THEMIS: variants seen among roughly 807,000 people sequenced by gnomAD.
THEMIS encodes the protein thymocyte selection associated, also known as protein THEMIS.
In THEMIS, 37 loss-of-function variants were observed where a neutral mutation model predicts 52.6. The ratio of observed to expected loss-of-function variants is 0.70; its 90% CI spans 0.54 to 0.93. The LOEUF (loss-of-function observed/expected upper bound fraction) is 0.93, where lower values mean the gene tolerates loss of function less well. Ranked by LOEUF, THEMIS falls within the 40% of genes least tolerant of loss-of-function variation. The pLI is 0.00. For synonymous variants in THEMIS, 292 were observed against 272.7 expected, an observed-to-expected ratio of 1.07 and a Z score of -0.70; for missense variants, 808 against 763.1, an observed-to-expected ratio of 1.06 and a Z score of -0.69.
intron 3 of THEMIS, among the ~76,000 whole-genome samples, chr6:127,817,875 G>A (rs1269502762): frequency 1.3e-5 from 2 of 152,198 alleles, no homozygotes; most frequent in African/African-American, 4.8e-5. Context: ...CTTACTTTCA[G>A]GGGCCCATCC....
In THEMIS at chr6:127,829,854, T is replaced by C. The variant is rs775711554; in HGVS notation, c.331A>G (p.Arg111Gly). 6.5e-5 allele frequency: 105 copies of C among 1,614,008 alleles called. No individual in the cohort carries two copies. Among genetic ancestry groups the C allele is most frequent in the Non-Finnish European group, 8.2e-5 (97 of 1,180,024 alleles). ...TGATAGAAGCAAGGATGCCCTAGTC[T>C]ACTTGGTCCAATATGAATGGTCCTT... ...ITRTIHIGPS[R>G]LGHPCFYHQK... The change falls in exon 3 of 6, where the codon AGA (arginine) becomes GGA (glycine). Residue 111 changes from arginine (R) to glycine (G), a missense_variant. By Grantham distance (125) the Arg-to-Gly change is moderately radical. Coordinates refer to ENST00000368248, the MANE Select transcript of THEMIS (RefSeq NM_001010923.3).
At chr6:127,750,116 G>A (rs752424793) in intron 4 of THEMIS, among the ~76,000 whole-genome samples, 19 of 150,584 alleles carry the variant, frequency 1.3e-4, no homozygotes, top group Non-Finnish European at 1.6e-4. Flanking sequence ...ACACCTCTGT[G>A]CAGGTCTCAA....
chr6:127,732,421 T>A (rs1331707643), intron 4 of THEMIS, among the ~76,000 whole-genome samples: 2 of 152,194 alleles, frequency 1.3e-5, no homozygotes, highest in Admixed American at 1.3e-4. Flanking sequence ...AATACTTTCA[T>A]GAAATGCACA....
At chr6:127,837,970 C>A (rs911818827) in intron 2 of THEMIS, among the ~76,000 whole-genome samples, 11 of 151,994 alleles carry the variant, frequency 7.2e-5, no homozygotes, top group African/African-American at 2.7e-4. Flanking sequence ...CTATTATTTT[C>A]CTATTACAAA....
At chr6:127,737,605 A>T (rs953658692) in intron 4 of THEMIS, among the ~76,000 whole-genome samples, 6 of 152,188 alleles carry the variant, frequency 3.9e-5, no homozygotes, top group Admixed American at 3.9e-4. Flanking sequence ...TTTTTAATAC[A>T]TATTTCCCTG....
chr6:127,847,889 AATTATTATTATT>A (rs71543127), intron 2 of THEMIS, among the ~76,000 whole-genome samples: 2 of 146,524 alleles, frequency 1.4e-5, no homozygotes, highest in African/African-American at 5.0e-5. Context: ...CTCAATTTCA[AATTATTATTATT>A]ATTATTATTA....
At chr6:127,768,134 C>T (rs1214390198) in intron 4 of THEMIS, among the ~76,000 whole-genome samples, 1 of 152,184 alleles carries the variant, frequency 6.6e-6, no homozygotes, top group Non-Finnish European at 1.5e-5. Context: ...CATAAACACA[C>T]AATTTACATC....
chr6:127,778,527 C>T (rs2114471197), intron 4 of THEMIS, among the ~76,000 whole-genome samples: 1 of 152,162 alleles, frequency 6.6e-6, no homozygotes, highest in South Asian at 2.1e-4. Flanking sequence ...TAGACGCCGC[C>T]TCTTTCAGGG....
the THEMIS span, among the ~76,000 whole-genome samples, chr6:127,697,815 T>C: frequency 6.6e-6 from 1 of 152,144 alleles, no homozygotes; most frequent in Non-Finnish European, 1.5e-5. Context: ...AGAGCCCCTT[T>C]CCTGTATTAA....
chr6:127,734,623 CA>C (rs1774924068), intron 4 of THEMIS, among the ~76,000 whole-genome samples: 2 of 151,806 alleles, frequency 1.3e-5, no homozygotes, highest in South Asian at 4.2e-4. Context: ...GTAATCCTAG[CA>C]CTTTGGGAGG....
chr6:127,914,126 T>C lies in THEMIS; in HGVS notation c.-150+4302A>G, dbSNP rs377194421. Among the ~76,000 whole-genome samples, 15 of 152,336 alleles carry C rather than the reference T, an allele frequency of 9.8e-5. 1 individual carries two copies. The highest frequency in any genetic ancestry group is 7.2e-4 in the Admixed American group (11 of 15,294). On this transcript the variant is annotated intron_variant, in intron 1 of 6. Transcript: ENST00000368250. ...ATGTAATTTTATACAATATTTTTAA[T>C]AATTTTGTGCATGAAACAAAGTTTT...
chr6:127,911,659 T>A (rs1196779545), intron 1 of THEMIS, among the ~76,000 whole-genome samples: 5 of 151,496 alleles, frequency 3.3e-5, no homozygotes, highest in Non-Finnish European at 7.3e-5. Flanking sequence ...ATTCTAGCCT[T>A]CCTCCTTGGC....
At chr6:127,897,248 AT>A (rs1446050027) in intron 1 of THEMIS, among the ~76,000 whole-genome samples, 1 of 151,526 alleles carries the variant, frequency 6.6e-6, no homozygotes, top group Non-Finnish European at 1.5e-5. Context: ...AAAGAAAAAA[AT>A]TGTTGACAAC....
intron 4 of THEMIS, among the ~76,000 whole-genome samples, chr6:127,760,672 T>C (rs1360080508): frequency 6.6e-6 from 1 of 151,886 alleles, no homozygotes; most frequent in Non-Finnish European, 1.5e-5. Context: ...GGTACTAGAG[T>C]GGCTGAGGCC....
At chr6:127,846,094 G>A (rs1050251651) in intron 2 of THEMIS, among the ~76,000 whole-genome samples, 2 of 152,100 alleles carry the variant, frequency 1.3e-5, no homozygotes, top group East Asian at 1.9e-4. Flanking sequence ...AACTGTGTAA[G>A]TAAATCTCTG....
At chr6:127,863,696 A>C (rs1779881811) in intron 1 of THEMIS, among the ~76,000 whole-genome samples, 1 of 152,206 alleles carries the variant, frequency 6.6e-6, no homozygotes, top group African/African-American at 2.4e-5. Context: ...GAGTTGTGGA[A>C]CATGGAATCC....
chr6:127,881,997 C>CAA (rs5879865), intron 1 of THEMIS, among the ~76,000 whole-genome samples: 13 of 118,210 alleles, frequency 1.1e-4, no homozygotes, highest in African/African-American at 2.7e-4. Context: ...TCTTATACAG[C>CAA]AAAAAAAAAA....
At chr6:127,909,848 G>A (rs1336411093) in intron 1 of THEMIS, 1 of 152,076 alleles carries the variant, frequency 6.6e-6, no homozygotes, top group Non-Finnish European at 1.5e-5. Context: ...TTGTTCACTT[G>A]ATACATCAGC....
At chr6:127,719,575 TG>T in intron 5 of THEMIS, 112 bp downstream of exon 5, 1 of 959,826 alleles carries the variant, frequency 1.0e-6, no homozygotes, top group Non-Finnish European at 1.5e-6. Flanking sequence ...GGTGATCACT[TG>T]GGCTGAGTCA....
Sources: gnomAD v4.1 joint callset for allele counts (sites outside exome capture counted in the v4.1 genomes callset) on GRCh38, gnomAD v4.1.1 for gene constraint, MANE v1.5 for transcripts, NCBI Gene and HGNC (gene_info 2026-07-23, HGNC 2026-07-21) for gene names.